The following ZFPM2 variants were observed in gnomAD, a reference collection of about 807,000 sequenced individuals.
ZFPM2 encodes the protein zinc finger protein, FOG family member 2.
Under a neutral mutation model 98.6 loss-of-function variants are expected in ZFPM2, and 20 were observed. The ratio of observed to expected loss-of-function variants is 0.20; its 90% CI spans 0.14 to 0.29. ZFPM2 has a LOEUF of 0.29. Ranked by LOEUF, ZFPM2 falls within the 10% of genes least tolerant of loss-of-function variation. The probability of loss-of-function intolerance (pLI) is 1.00; values close to 1 mark genes in which losing one functional copy is unlikely to be tolerated. For missense variants in ZFPM2, 1,310 were observed against 1,388.6 expected, an observed-to-expected ratio of 0.94 and a Z score of 0.90; for synonymous variants, 518 against 502.7, an observed-to-expected ratio of 1.03 and a Z score of -0.41.
At chr8:105,631,648 A>G (rs557345982) in intron 4 of ZFPM2, among the ~76,000 whole-genome samples, 2 of 152,196 alleles carry the variant, frequency 1.3e-5, no homozygotes, top group East Asian at 3.9e-4. Flanking sequence ...ACTTCCTACC[A>G]TGGTACTTTT....
chr8:105,675,745 C>T (rs188082180), intron 5 of ZFPM2, among the ~76,000 whole-genome samples: 2 of 152,160 alleles, frequency 1.3e-5, no homozygotes, highest in Non-Finnish European at 2.9e-5. Context: ...ACTAGATTTA[C>T]AATACCAGAA....
At chr8:105,783,210 G>GTTTTTTTTTTTTTTTTTTTTTTTTTT (rs753557703) in intron 5 of ZFPM2, among the ~76,000 whole-genome samples, 2 of 88,926 alleles carry the variant, frequency 2.2e-5, no homozygotes, top group Non-Finnish European at 4.3e-5. Context: ...TTTCTTTATG[G>GTTTTTTTTTTTTTTTTTTTTTTTTTT]TTTTTTTTTT....
intron 1 of ZFPM2, among the ~76,000 whole-genome samples, chr8:105,321,632 G>A (rs866445278): frequency 2.0e-5 from 3 of 151,810 alleles, no homozygotes; most frequent in Admixed American, 1.3e-4. Flanking sequence ...ACAGTTCCCT[G>A]CTATCTAAAA....
At chr8:105,598,051 TG>T (rs1183111165) in intron 4 of ZFPM2, among the ~76,000 whole-genome samples, 2 of 149,070 alleles carry the variant, frequency 1.3e-5, no homozygotes, top group Non-Finnish European at 3.0e-5. Flanking sequence ...CTGTTGTTCT[TG>T]GAAAAAAAAA....
At chr8:105,567,476 G>A (rs1295243196) in intron 4 of ZFPM2, among the ~76,000 whole-genome samples, 1 of 151,490 alleles carries the variant, frequency 6.6e-6, no homozygotes, top group Admixed American at 6.6e-5. Context: ...GTGGAATTGA[G>A]CTCTGATTGC....
intron 4 of ZFPM2, among the ~76,000 whole-genome samples, chr8:105,624,024 G>A (rs936257804): frequency 2.6e-5 from 4 of 152,000 alleles, no homozygotes; most frequent in African/African-American, 9.7e-5. Context: ...GATTTGATGG[G>A]AATTCTACAG....
intron 3 of ZFPM2, among the ~76,000 whole-genome samples, chr8:105,496,982 C>CAAA (rs1207276670): frequency 1.9e-4 from 6 of 31,484 alleles, no homozygotes; most frequent in Non-Finnish European, 2.7e-4. Flanking sequence ...AACTCCGTCT[C>CAAA]AAAAAAAAAA....
At chr8:105,713,789 A>G (rs574252499) in intron 5 of ZFPM2, among the ~76,000 whole-genome samples, 31 of 151,994 alleles carry the variant, frequency 2.0e-4, no homozygotes, top group Non-Finnish European at 3.4e-4. Flanking sequence ...CTTTATTCCC[A>G]GGTTCTCTAT....
rs78882313 is a variant in ZFPM2 at position 105,629,118 on chromosome 8, G to A, written c.421-5128G>A. Among the ~76,000 whole-genome samples, 906 of 152,310 alleles carry A rather than the reference G, an allele frequency of 5.9e-3. 6 individuals carry two copies. The highest frequency in any genetic ancestry group is 0.018 in the African/African-American group (736 of 41,582). On this transcript the variant is annotated intron_variant, in intron 4 of 7. Coordinates refer to ENST00000407775, the MANE Select transcript of ZFPM2 (RefSeq NM_012082.4). ...TGCTCACCTGTGCACTCCTGCAAGAGGTGGAAAACAGCAGGTCCAAGTGAA... is the reference window on the plus strand; with the variant it reads ...TGCTCACCTGTGCACTCCTGCAAGAAGTGGAAAACAGCAGGTCCAAGTGAA...
chr8:105,322,191 A>G (rs1304919691), intron 1 of ZFPM2, among the ~76,000 whole-genome samples: 2 of 151,826 alleles, frequency 1.3e-5, no homozygotes, highest in Admixed American at 6.6e-5. Context: ...TAGCCTTATC[A>G]CCTCCTGCCA....
intron 5 of ZFPM2, among the ~76,000 whole-genome samples, chr8:105,760,275 G>A (rs1450567956): frequency 1.3e-5 from 2 of 151,844 alleles, no homozygotes; most frequent in Admixed American, 1.3e-4. Flanking sequence ...GTTAGTTAGG[G>A]GGTTGTATCT....
Position 105,802,320 on chromosome 8 carries a change from A to T in ZFPM2, c.2238A>T (p.Leu746=). ...GCAGAAAGATGTATGAGATGTGCCT[A>T]CCTGAGCAGGAACAAAGGCCTCCAC... ...RKRRKMYEMC[L]PEQEQRPPLV... The change falls in exon 8 of 8, where the codon CTA becomes CTT. Residue 746 remains leucine, a synonymous_variant. Transcript: ENST00000407775. 6.2e-7 allele frequency: 1 copy of T among 1,613,830 alleles called. No individual in the cohort carries two copies. Among genetic ancestry groups the T allele is most frequent in the Non-Finnish European group, 8.5e-7 (1 of 1,179,840 alleles).
chr8:105,721,102 G>T (rs1283268860), intron 5 of ZFPM2, among the ~76,000 whole-genome samples: 1 of 151,798 alleles, frequency 6.6e-6, no homozygotes, highest in East Asian at 1.9e-4. Flanking sequence ...ATAGGGGACT[G>T]GTTCCAGGAC....
intron 3 of ZFPM2, among the ~76,000 whole-genome samples, chr8:105,457,988 C>T (rs1812624245): frequency 6.6e-6 from 1 of 152,116 alleles, no homozygotes; most frequent in Admixed American, 6.5e-5. Context: ...AAAAGATTAG[C>T]AAAGAAATCT....
chr8:105,800,918 A>G (rs1813980555), intron 7 of ZFPM2, 129 bp from the exon 8 acceptor site: 6 of 839,782 alleles, frequency 7.1e-6, no homozygotes, highest in Admixed American at 5.2e-5. Flanking sequence ...AACAGTTAAT[A>G]TCACGAATGA....
intron 5 of ZFPM2, among the ~76,000 whole-genome samples, chr8:105,649,348 T>G (rs1198879211): frequency 6.6e-6 from 1 of 152,150 alleles, no homozygotes; most frequent in Non-Finnish European, 1.5e-5. Flanking sequence ...GACTTCCTCT[T>G]TTCCTAATTG....
chr8:105,741,283 A>C (rs1264160709), intron 5 of ZFPM2, among the ~76,000 whole-genome samples: 3 of 152,094 alleles, frequency 2.0e-5, no homozygotes, highest in African/African-American at 7.2e-5. Context: ...ATCAGTTTCC[A>C]TGTAGTTGTG....
chr8:105,677,828 T>C (rs1202098612), intron 5 of ZFPM2, among the ~76,000 whole-genome samples: 1 of 152,184 alleles, frequency 6.6e-6, no homozygotes, highest in Non-Finnish European at 1.5e-5. Flanking sequence ...TTCCAAATTT[T>C]AACTGACGAA....
intron 1 of ZFPM2, among the ~76,000 whole-genome samples, chr8:105,379,536 C>T (rs964077754): frequency 3.3e-5 from 5 of 152,066 alleles, no homozygotes; most frequent in Non-Finnish European, 7.4e-5. Flanking sequence ...GGCGGATCAC[C>T]AGAGGTCTGG....
Sources: gnomAD v4.1 joint callset for allele counts (sites outside exome capture counted in the v4.1 genomes callset) on GRCh38, gnomAD v4.1.1 for gene constraint, MANE v1.5 for transcripts, NCBI Gene and HGNC (gene_info 2026-07-23, HGNC 2026-07-21) for gene names.